The following HS1BP3 variants were observed in gnomAD, a reference collection of about 807,000 sequenced individuals.
HS1BP3 encodes the protein HCLS1 binding protein 3.
In HS1BP3, 32 loss-of-function variants were observed where a neutral mutation model predicts 33.5. That is an observed-to-expected ratio of 0.95 (90% CI 0.72 to 1.28). The LOEUF (loss-of-function observed/expected upper bound fraction) is 1.28, where lower values mean the gene tolerates loss of function less well. Among genes scored for constraint, HS1BP3 ranks in the 50% most tolerant of loss-of-function variants. The probability of loss-of-function intolerance (pLI) is 0.00; values close to 1 mark genes in which losing one functional copy is unlikely to be tolerated. For missense variants in HS1BP3, 486 were observed against 502.3 expected (o/e 0.97, Z 0.31); for synonymous variants, 187 against 209.2 (o/e 0.89, Z 0.92).
At chr2:20,642,963 CTG>C (rs1304128468) in intron 2 of HS1BP3, among the ~76,000 whole-genome samples, 1 of 152,252 alleles carries the variant, frequency 6.6e-6, no homozygotes, top group Middle Eastern at 3.2e-3. Context: ...CCTCCTGCGG[CTG>C]TTTTACTCCA....
chr2:20,600,632 T>C (rs1353728057), intron 2 of HS1BP3, among the ~76,000 whole-genome samples: 1 of 152,226 alleles, frequency 6.6e-6, no homozygotes, highest in African/African-American at 2.4e-5. Flanking sequence ...ATTTTCTACA[T>C]TAAAATCCTC....
At chr2:20,637,276 C>G (rs918239181) in intron 4 of HS1BP3, 2 of 152,266 alleles carry the variant, frequency 1.3e-5, no homozygotes, top group African/African-American at 4.8e-5. Flanking sequence ...TGAGTTCAAA[C>G]AAAGCCTCAC....
At chr2:20,595,637 A>G (rs959382332) in intron 3 of HS1BP3, among the ~76,000 whole-genome samples, 10 of 152,166 alleles carry the variant, frequency 6.6e-5, no homozygotes, top group African/African-American at 2.4e-4. Context: ...CTTCCTCGAC[A>G]TGGCTGGTTT....
At chr2:20,577,125 A>T (rs80216119) in intron 5 of HS1BP3, among the ~76,000 whole-genome samples, 4,042 of 152,210 alleles carry the variant, frequency 0.027, 56 homozygotes, top group Non-Finnish European at 0.031. Context: ...CTAGATGGAG[A>T]TGTGGGGTGG....
chr2:20,600,373 C>T (rs1420360691), intron 2 of HS1BP3, among the ~76,000 whole-genome samples: 1 of 152,148 alleles, frequency 6.6e-6, no homozygotes, highest in African/African-American at 2.4e-5. Context: ...CTCGTTAAAC[C>T]ACAAAGCGCC....
At chr2:20,571,911 G>A (rs954224388) in intron 5 of HS1BP3, among the ~76,000 whole-genome samples, 7 of 152,210 alleles carry the variant, frequency 4.6e-5, no homozygotes, top group African/African-American at 1.2e-4. Flanking sequence ...CCAGCAGGCC[G>A]GAGCACCGAG....
intron 5 of HS1BP3, among the ~76,000 whole-genome samples, chr2:20,587,270 G>A (rs1360156032): frequency 6.6e-6 from 1 of 152,170 alleles, no homozygotes; most frequent in African/African-American, 2.4e-5. Context: ...GAAAAGAAAC[G>A]AAAGTGAAAA....
At position 20,568,022 on chromosome 2, in the gene HS1BP3, C is replaced by T. The variant is rs368164973; in HGVS notation, c.303-7507G>A. 6.2e-4 allele frequency among the ~76,000 whole-genome samples: 95 copies of T among 152,280 alleles called. No individual in the cohort carries two copies. The East Asian group carries it at 0.011, about 17-fold the overall frequency. ...TCACCTGCTCCTCTAGGGCTGGTCTCGCTCAGTGCCTCAGGACCACCCCCA... is the reference window on the plus strand; with the variant it reads ...TCACCTGCTCCTCTAGGGCTGGTCTTGCTCAGTGCCTCAGGACCACCCCCA... On this transcript the variant is annotated intron_variant, in intron 5 of 5. Coordinates refer to the HS1BP3 transcript ENST00000446825.
chr2:20,620,761 T>G (rs879889585), intron 6 of HS1BP3, among the ~76,000 whole-genome samples: 22 of 152,182 alleles, frequency 1.4e-4, no homozygotes, highest in Non-Finnish European at 2.5e-4. Flanking sequence ...GAAAGTAGTT[T>G]CCAAATGTAC....
intron 5 of HS1BP3, among the ~76,000 whole-genome samples, chr2:20,575,359 G>A (rs781495151): frequency 2.6e-5 from 4 of 152,210 alleles, no homozygotes; most frequent in Non-Finnish European, 4.4e-5. Context: ...GAGCCTGGAA[G>A]CCCTAGTCCA....
chr2:20,585,893 C>T (rs62124229), intron 5 of HS1BP3, among the ~76,000 whole-genome samples: 11,846 of 152,302 alleles, frequency 0.078, 637 homozygotes, highest in African/African-American at 0.15. Context: ...TTGTCTGATC[C>T]TGACACAACC....
chr2:20,578,843 A>G (rs1693462522), intron 5 of HS1BP3, among the ~76,000 whole-genome samples: 1 of 152,244 alleles, frequency 6.6e-6, no homozygotes, highest in Admixed American at 6.5e-5. Context: ...CTCTGGAGCC[A>G]TGCTCTGTAT....
At chr2:20,572,578 T>C (rs1693300819) in intron 5 of HS1BP3, among the ~76,000 whole-genome samples, 1 of 150,742 alleles carries the variant, frequency 6.6e-6, no homozygotes, top group African/African-American at 2.4e-5. Context: ...ATGAAAGCTC[T>C]TTGAGCCTCA....
At chr2:20,640,529 A>C (rs559191137) in intron 3 of HS1BP3, 2 of 410,442 alleles carry the variant, frequency 4.9e-6, no homozygotes, top group Middle Eastern at 6.3e-4. Flanking sequence ...GGTGAGAAGC[A>C]CATGTCCCCA....
At chr2:20,564,587 G>T (rs1693079363) in intron 5 of HS1BP3, among the ~76,000 whole-genome samples, 1 of 152,148 alleles carries the variant, frequency 6.6e-6, no homozygotes, top group African/African-American at 2.4e-5. Flanking sequence ...TGATTCAAGT[G>T]ATTCTCATGC....
intron 5 of HS1BP3, among the ~76,000 whole-genome samples, chr2:20,582,656 C>T (rs1029340189): frequency 1.3e-5 from 2 of 152,110 alleles, no homozygotes; most frequent in Admixed American, 6.5e-5. Flanking sequence ...TCTTTCCACT[C>T]GGGTTTCACA....
At position 20,571,523 on chromosome 2, in the gene HS1BP3, A is replaced by G. The variant is rs1245025201; in HGVS notation, c.303-11008T>C. 3.9e-5 allele frequency among the ~76,000 whole-genome samples: 6 copies of G among 152,182 alleles called. No homozygotes were observed. In the East Asian group the frequency reaches 9.6e-4, roughly 24 times the overall value. On this transcript the variant is annotated intron_variant, in intron 5 of 5. Coordinates refer to the HS1BP3 transcript ENST00000446825. The stretch of plus-strand genomic sequence containing the variant: ...AACTTTATTGCCCTGGTTCCCTCCA[A>G]AGGTCATTGGCCAAACAGACTGGCG...
intron 1 of HS1BP3, among the ~76,000 whole-genome samples, chr2:20,648,353 C>T (rs1418837506): frequency 6.6e-6 from 1 of 152,158 alleles, no homozygotes; most frequent in South Asian, 2.1e-4. Context: ...CTTTGGTCCT[C>T]ATCATGCAAC....
At chr2:20,606,653 A>G (rs561830135) in intron 2 of HS1BP3, 3 of 442,964 alleles carry the variant, frequency 6.8e-6, no homozygotes, top group Admixed American at 4.9e-5. Flanking sequence ...CTTGGGTGGC[A>G]TTGCAAAGCT....
Sources: gnomAD v4.1 joint callset for allele counts (sites outside exome capture counted in the v4.1 genomes callset) on GRCh38, gnomAD v4.1.1 for gene constraint, MANE v1.5 for transcripts, NCBI Gene and HGNC (gene_info 2026-07-23, HGNC 2026-07-21) for gene names.